The following IMPACT variants were observed in gnomAD, a reference collection of about 807,000 sequenced individuals.
IMPACT encodes impact RWD domain protein, also known as protein IMPACT.
A neutral mutation model predicts 47.5 loss-of-function variants in IMPACT; 35 were observed. The ratio of observed to expected loss-of-function variants is 0.74; its 90% CI spans 0.56 to 0.98. IMPACT has a LOEUF of 0.98. Among genes scored for constraint, IMPACT ranks in the 50% least tolerant of loss-of-function variants. The probability of loss-of-function intolerance (pLI) is 0.00; values close to 1 mark genes in which losing one functional copy is unlikely to be tolerated. For synonymous variants in IMPACT, 118 were observed against 125.6 expected, an observed-to-expected ratio of 0.94 and a Z score of 0.40; for missense variants, 373 against 394.8, an observed-to-expected ratio of 0.94 and a Z score of 0.47.
chr18:24,453,486 ATTG>A lies in IMPACT; in HGVS notation c.*2642_*2644del, dbSNP rs1159287825. ...GCCTACATATTTCATATAGAAGTAT[ATTG>A]TTAACATTTTCCATGTCAATAAATA... On this transcript the variant is annotated 3_prime_UTR_variant, in exon 11 of 11. Coordinates refer to ENST00000284202, the MANE Select transcript of IMPACT (RefSeq NM_018439.4). 6.6e-6 allele frequency: 1 copy of A among 151,750 alleles called. No individual in the cohort carries two copies. The highest frequency in any genetic ancestry group is 1.5e-5 in the Non-Finnish European group (1 of 67,908). The allele number at this position is 151,750 out of a possible 1,614,324, so 9.4% of individuals were successfully genotyped here. A position where few individuals can be genotyped will look rare whatever the true frequency, so the allele number is the denominator to read the frequency against.
At chr18:24,429,309 A>G (rs1298019084) in intron 3 of IMPACT, among the ~76,000 whole-genome samples, 1 of 152,154 alleles carries the variant, frequency 6.6e-6, no homozygotes, top group African/African-American at 2.4e-5. Context: ...GGAGTTACTT[A>G]TGATGCTTCT....
intron 6 of IMPACT, among the ~76,000 whole-genome samples, chr18:24,442,744 T>C (rs9966973): frequency 0.66 from 100,574 of 152,090 alleles, 34,553 homozygotes; most frequent in Admixed American, 0.75. Context: ...TATTAGATAT[T>C]GTACCAACTT....
intron 4 of IMPACT, among the ~76,000 whole-genome samples, chr18:24,433,591 A>G (rs7238982): frequency 6.2e-4 from 93 of 150,808 alleles, no homozygotes; most frequent in African/African-American, 2.2e-3. Flanking sequence ...CCTGCCTCTC[A>G]GCCTCCTGAG....
At chr18:24,429,752 T>C (rs1216236815) in intron 3 of IMPACT, 1 of 152,016 alleles carries the variant, frequency 6.6e-6, no homozygotes, top group African/African-American at 2.4e-5. Context: ...AGATATAGAA[T>C]TCTTATAAAC....
chr18:24,435,087 C>T (rs1480243994), intron 4 of IMPACT, among the ~76,000 whole-genome samples: 1 of 151,474 alleles, frequency 6.6e-6, no homozygotes, highest in Non-Finnish European at 1.5e-5. Flanking sequence ...GATCCTCCCA[C>T]CTTAGCCTCC....
chr18:24,444,012 G>T (rs2144345919), intron 7 of IMPACT, among the ~76,000 whole-genome samples: 1 of 152,238 alleles, frequency 6.6e-6, no homozygotes, highest in Non-Finnish European at 1.5e-5. Context: ...GCTCTTTAAA[G>T]CCCTGGGCTT....
intron 3 of IMPACT, among the ~76,000 whole-genome samples, chr18:24,429,917 A>G (rs1008232288): frequency 6.6e-6 from 1 of 151,938 alleles, no homozygotes. Context: ...AGCTGGGACT[A>G]CAGGTGCCCG....
intron 1 of IMPACT, chr18:24,426,999 T>G (rs112940179): frequency 0.029 from 11,254 of 394,226 alleles, 1,082 homozygotes; most frequent in African/African-American, 0.21. Flanking sequence ...GCGGCCGCGG[T>G]CTCGGCCTGT....
Position 24,427,090 on chromosome 18 carries a change from A to C in IMPACT, c.36+298A>C, listed in dbSNP as rs568289185. 9.0e-5 allele frequency: 32 copies of C among 354,354 alleles called. No homozygotes were observed. The East Asian group carries it at 1.3e-3, about 14-fold the overall frequency. 22.0% of individuals were successfully genotyped at this position (354,354 alleles called of 1,614,324 possible). A position where few individuals can be genotyped will look rare whatever the true frequency, so the allele number is the denominator to read the frequency against. ...GGCAAAAACCGGGGTTTCGATCCCC[A>C]CCCTGCCGCCGCCGAGTCATCTTGG... On this transcript the variant is annotated intron_variant, in intron 1 of 10. Coordinates refer to ENST00000284202, the MANE Select transcript of IMPACT (RefSeq NM_018439.4).
In IMPACT at chr18:24,448,220, A is replaced by G. The variant is rs776299048; in HGVS notation, c.759+37A>G. 3 of 1,416,526 alleles carry G rather than the reference A, an allele frequency of 2.1e-6. No individual in the cohort carries two copies. The Admixed American group carries it at 5.2e-5, about 25-fold the overall frequency. The allele number at this position is 1,416,526 out of a possible 1,614,324, so 87.7% of individuals were successfully genotyped here. A position where few individuals can be genotyped will look rare whatever the true frequency, so the allele number is the denominator to read the frequency against. On this transcript the variant is annotated intron_variant, in intron 9 of 10. Coordinates refer to ENST00000284202, the MANE Select transcript of IMPACT (RefSeq NM_018439.4). ...TTAAACTATCAATCCTGTTCTGTAC[A>G]AGCCATAAAATTTCTCAACAAAACA...
At chr18:24,434,811 A>G (rs1366885381) in intron 4 of IMPACT, among the ~76,000 whole-genome samples, 14 of 144,940 alleles carry the variant, frequency 9.7e-5, no homozygotes, top group African/African-American at 3.3e-4. Context: ...GTGTGTGTGT[A>G]TATATATGTG....
At chr18:24,437,571 T>C (rs74769335) in intron 4 of IMPACT, among the ~76,000 whole-genome samples, 309 of 152,328 alleles carry the variant, frequency 2.0e-3, no homozygotes, top group Middle Eastern at 0.014. Context: ...GGTTTGAAAT[T>C]CTTAAAAAAC....
At chr18:24,444,189 C>A (rs1909190590) in intron 7 of IMPACT, among the ~76,000 whole-genome samples, 1 of 152,202 alleles carries the variant, frequency 6.6e-6, no homozygotes, top group Non-Finnish European at 1.5e-5. Flanking sequence ...TCCCAGGGTC[C>A]TCCTGAGACA....
At chr18:24,445,790 C>T (rs1909235746) in intron 8 of IMPACT, among the ~76,000 whole-genome samples, 1 of 151,996 alleles carries the variant, frequency 6.6e-6, no homozygotes, top group African/African-American at 2.4e-5. Flanking sequence ...GTTATAACTG[C>T]TTGATAAATA....
At chr18:24,435,514 A>T (rs1362999652) in intron 4 of IMPACT, 1 of 152,200 alleles carries the variant, frequency 6.6e-6, no homozygotes, top group Non-Finnish European at 1.5e-5. Context: ...TCGATGTATC[A>T]TGGCATGTTA....
At chr18:24,445,859 G>A (rs2144347594) in intron 8 of IMPACT, among the ~76,000 whole-genome samples, 1 of 151,980 alleles carries the variant, frequency 6.6e-6, no homozygotes, top group East Asian at 1.9e-4. Flanking sequence ...TTTCCTTTTA[G>A]TTTTTCATGT....
At chr18:24,433,862 G>A (rs1003285791) in intron 4 of IMPACT, among the ~76,000 whole-genome samples, 3 of 151,468 alleles carry the variant, frequency 2.0e-5, no homozygotes, top group Non-Finnish European at 4.4e-5. Context: ...GTAGAGACGG[G>A]GTTTCAGCAT....
chr18:24,427,808 G>A (rs1908651363), intron 1 of IMPACT, 111 bp from the exon 2 acceptor site: 1 of 1,052,900 alleles, frequency 9.5e-7, no homozygotes, highest in Non-Finnish European at 1.4e-6. Flanking sequence ...GCTCATCTAG[G>A]AATTTTTGAT....
In IMPACT at chr18:24,451,026, A is replaced by T. The variant is rs1291153304; in HGVS notation, c.*179A>T. The stretch of plus-strand genomic sequence containing the variant: ...ATCTGCCAAAAATAGAGAACTTATG[A>T]TCTATTCATGTGTGTTTCAGGCTTA... On this transcript the variant is annotated 3_prime_UTR_variant, in exon 11 of 11. Transcript: ENST00000284202. 1 of 490,720 alleles carries T rather than the reference A, an allele frequency of 2.0e-6. No homozygotes were observed. The highest frequency in any genetic ancestry group is 2.0e-5 in the African/African-American group (1 of 50,988). 30.4% of individuals were successfully genotyped at this position (490,720 alleles called of 1,614,324 possible).
Sources: allele counts gnomAD v4.1 joint callset (sites outside exome capture counted in the v4.1 genomes callset), GRCh38; gene constraint gnomAD v4.1.1; transcripts MANE v1.5; gene names NCBI Gene and HGNC (gene_info 2026-07-23, HGNC 2026-07-21).